The following LYN variants were observed in gnomAD, a reference collection of about 807,000 sequenced individuals.
LYN encodes tyrosine-protein kinase Lyn.
In LYN, 12 loss-of-function variants were observed where a neutral mutation model predicts 65.0. That is an observed-to-expected ratio of 0.18 (90% CI 0.12 to 0.30). The LOEUF is 0.30. Among genes scored for constraint, LYN ranks in the 10% least tolerant of loss-of-function variants. The pLI, the probability that LYN is intolerant of heterozygous loss-of-function variation, is 1.00. For missense variants in LYN, 380 were observed against 623.2 expected, an observed-to-expected ratio of 0.61 and a Z score of 4.16; for synonymous variants, 222 against 221.2, an observed-to-expected ratio of 1.00 and a Z score of -0.03.
In LYN at chr8:55,966,828, C is replaced by T; in HGVS notation, c.904C>T (p.Leu302Phe). The T allele has an allele frequency of 6.2e-7, 1 of 1,614,100 alleles. No homozygotes were observed. The highest frequency in any genetic ancestry group is 8.5e-7 in the Non-Finnish European group (1 of 1,179,996). ...CATGAAGACCCTGCAGCATGACAAG[C>T]TCGTGAGGCTCTACGCTGTGGTCAC... is the stretch of plus-strand genomic sequence containing the variant. ...NLMKTLQHDK[L>F]VRLYAVVTRE... Residue 302 changes from leucine to phenylalanine, a missense_variant, in exon 9 of 13, where the codon CTC (leucine) becomes TTC (phenylalanine). By Grantham distance (22) the Leu-to-Phe change is conservative. This residue lies in a region of LYN where 223 missense variants were observed against 430.0 expected (regional missense o/e 0.52). Transcript: ENST00000519728.
At chr8:55,883,885 C>T (rs568987912) in intron 1 of LYN, among the ~76,000 whole-genome samples, 1 of 152,078 alleles carries the variant, frequency 6.6e-6, no homozygotes, top group South Asian at 2.1e-4. Context: ...GTCAGAAATA[C>T]TGAAAGATTT....
chr8:55,910,033 A>T (rs1333605535), intron 1 of LYN, among the ~76,000 whole-genome samples: 1 of 149,058 alleles, frequency 6.7e-6, no homozygotes, highest in African/African-American at 2.5e-5. Context: ...TTTCTTGTAA[A>T]TTCTGCATAT....
chr8:55,944,396 C>CA (rs1563522328), intron 2 of LYN, among the ~76,000 whole-genome samples: 1 of 152,002 alleles, frequency 6.6e-6, no homozygotes, highest in African/African-American at 2.4e-5. Context: ...TCAGAGTTCT[C>CA]AAAAAAAGAT....
intron 10 of LYN, among the ~76,000 whole-genome samples, chr8:55,994,313 T>C (rs1242235211): frequency 6.6e-6 from 1 of 152,246 alleles, no homozygotes; most frequent in Non-Finnish European, 1.5e-5. Context: ...ACTTGGCTAA[T>C]GCTGTTGTTT....
At position 56,012,347 on chromosome 8, in the gene LYN, A is replaced by G. The variant is rs532760174; in HGVS notation, c.*2237A>G. 5.6e-6 allele frequency: 1 copy of G among 179,620 alleles called. No individual in the cohort carries two copies. The highest frequency in any genetic ancestry group is 1.2e-5 in the Non-Finnish European group (1 of 83,892). The allele number at this position is 179,620 out of a possible 1,614,324, so 11.1% of individuals were successfully genotyped here. On this transcript the variant is annotated 3_prime_UTR_variant, in exon 13 of 13. Coordinates refer to ENST00000519728, the MANE Select transcript of LYN (RefSeq NM_002350.4). ...ACCTCAGGTTATTGTAGAGAACTGG[A>G]AAGACAGAATCCATACTCCCTACCG...
chr8:55,896,459 A>C (rs938717924), intron 1 of LYN, among the ~76,000 whole-genome samples: 1 of 151,862 alleles, frequency 6.6e-6, no homozygotes, highest in Non-Finnish European at 1.5e-5. Context: ...AACAATGAGA[A>C]CACATGGACA....
intron 10 of LYN, among the ~76,000 whole-genome samples, chr8:55,991,350 C>T (rs1408534429): frequency 1.3e-5 from 2 of 152,148 alleles, no homozygotes; most frequent in African/African-American, 4.8e-5. Context: ...CTCTAGCTGC[C>T]TCAAAGCCCT....
intron 10 of LYN, among the ~76,000 whole-genome samples, chr8:55,983,339 C>T (rs78598186): frequency 0.025 from 3,796 of 152,300 alleles, 145 homozygotes; most frequent in African/African-American, 0.085. Flanking sequence ...GTCTTGTGCT[C>T]TCTTGCTGTT....
At chr8:55,885,031 G>C (rs1330013201) in intron 1 of LYN, among the ~76,000 whole-genome samples, 3 of 152,208 alleles carry the variant, frequency 2.0e-5, no homozygotes, top group South Asian at 2.1e-4. Flanking sequence ...TAACCCTCAG[G>C]CTTCCAGTAC....
intron 1 of LYN, among the ~76,000 whole-genome samples, chr8:55,887,463 CTTTATA>C (rs1381015412): frequency 6.6e-6 from 1 of 151,090 alleles, no homozygotes; most frequent in African/African-American, 2.4e-5. Context: ...TTCTGTACGT[CTTTATA>C]TTTAAAAGAA....
Position 55,941,514 on chromosome 8 carries a change from C to T in LYN, c.-5-341C>T, listed in dbSNP as rs17515924. ...GAGCATTTCCTTTAGGAAGCTTTCC[C>T]TGACCACCTCCTTTTCCTCTTGCCT... On this transcript the variant is annotated intron_variant, in intron 1 of 12. Coordinates refer to ENST00000519728, the MANE Select transcript of LYN (RefSeq NM_002350.4). Among the ~76,000 whole-genome samples, 429 of 152,338 alleles carry T rather than the reference C, an allele frequency of 2.8e-3. 3 individuals are homozygous for T. The East Asian group carries it at 0.038, about 13-fold the overall frequency.
chr8:56,001,494 G>A (rs1439599630), intron 12 of LYN, among the ~76,000 whole-genome samples: 1 of 152,202 alleles, frequency 6.6e-6, no homozygotes, highest in Non-Finnish European at 1.5e-5. Context: ...AACTGGGGCA[G>A]GGACCAGTTG....
intron 12 of LYN, among the ~76,000 whole-genome samples, chr8:56,007,583 A>G (rs1808705841): frequency 6.6e-6 from 1 of 152,216 alleles, no homozygotes; most frequent in South Asian, 2.1e-4. Flanking sequence ...CTCTTCCACG[A>G]CAGAAATGAT....
intron 9 of LYN, among the ~76,000 whole-genome samples, chr8:55,968,702 G>T (rs1431715312): frequency 1.3e-5 from 2 of 152,196 alleles, no homozygotes; most frequent in African/African-American, 4.8e-5. Context: ...AACGTTTACT[G>T]AGCACTTGCT....
intron 10 of LYN, among the ~76,000 whole-genome samples, chr8:55,990,168 G>C (rs1452019573): frequency 6.6e-6 from 1 of 150,940 alleles, no homozygotes; most frequent in African/African-American, 2.4e-5. Context: ...GAACCCAGGA[G>C]GTGGAGGTTG....
chr8:55,994,817 C>T lies in LYN; in HGVS notation c.1051-3529C>T, dbSNP rs1476777710. On this transcript the variant is annotated intron_variant, in intron 10 of 12. Coordinates refer to ENST00000519728, the MANE Select transcript of LYN (RefSeq NM_002350.4). ...AGGCTGCACTACCATGGAGTGGAGC[C>T]GGGAGGCTGGGACAGAGTCAGCTAT... Among the ~76,000 whole-genome samples the T allele has an allele frequency of 2.6e-5, 4 of 152,040 alleles. 1 individual carries two copies. The highest frequency in any genetic ancestry group is 4.1e-4 in the South Asian group (2 of 4,820).
intron 8 of LYN, 58 bp downstream of exon 8, chr8:55,954,042 G>A (rs1807031306): frequency 1.8e-5 from 29 of 1,568,728 alleles, no homozygotes; most frequent in Non-Finnish European, 2.4e-5. Context: ...GAGAAGTAAA[G>A]GCTCAAGCCA....
intron 10 of LYN, among the ~76,000 whole-genome samples, chr8:55,970,545 G>A (rs1307190307): frequency 6.6e-6 from 1 of 152,152 alleles, no homozygotes; most frequent in East Asian, 1.9e-4. Context: ...GAAGCCCAGT[G>A]TATGTAGCAA....
At chr8:55,888,129 T>C (rs1041671275) in intron 1 of LYN, among the ~76,000 whole-genome samples, 1 of 152,202 alleles carries the variant, frequency 6.6e-6, no homozygotes, top group African/African-American at 2.4e-5. Context: ...CTATGTTTAG[T>C]ATTCAGTTTA....
Sources: allele counts gnomAD v4.1 joint callset (sites outside exome capture counted in the v4.1 genomes callset), GRCh38; gene constraint gnomAD v4.1.1; regional missense constraint gnomAD v4.1.1; transcripts MANE v1.5; gene names NCBI Gene and HGNC (gene_info 2026-07-23, HGNC 2026-07-21).